The following FSTL5 variants were observed in gnomAD, a reference collection of about 807,000 sequenced individuals.
FSTL5 encodes follistatin like 5.
FSTL5 carries 62 observed loss-of-function variants against 89.1 expected under a neutral mutation model. The observed-to-expected ratio is 0.70, with a 90% confidence interval of 0.57 to 0.86. The LOEUF (loss-of-function observed/expected upper bound fraction) is 0.86. Ranked by LOEUF, FSTL5 falls within the 40% of genes least tolerant of loss-of-function variation. The probability of loss-of-function intolerance (pLI) is 0.00; values close to 1 mark genes in which losing one functional copy is unlikely to be tolerated. For missense variants in FSTL5, 1,057 were observed against 1,001.6 expected (o/e 1.06, Z -0.75); for synonymous variants, 383 against 346.2 (o/e 1.11, Z -1.18).
chr4:162,060,565 T>C (rs190929983), intron 2 of FSTL5, among the ~76,000 whole-genome samples: 198 of 152,194 alleles, frequency 1.3e-3, no homozygotes, highest in Middle Eastern at 3.4e-3. Context: ...CTACATATGA[T>C]ATCCTGATAC....
At chr4:161,856,329 G>A (rs1399906221) in intron 4 of FSTL5, among the ~76,000 whole-genome samples, 2 of 152,002 alleles carry the variant, frequency 1.3e-5, no homozygotes, top group Non-Finnish European at 2.9e-5. Context: ...TCACAAACAA[G>A]TAGTTTATAG....
intron 3 of FSTL5, among the ~76,000 whole-genome samples, chr4:162,013,706 T>G (rs545173873): frequency 4.3e-4 from 66 of 152,254 alleles, no homozygotes; most frequent in African/African-American, 1.5e-3. Flanking sequence ...AGTAACCCAG[T>G]CTTTTTGTTT....
chr4:161,566,684 T>C (rs1578930894), intron 8 of FSTL5, among the ~76,000 whole-genome samples: 1 of 152,208 alleles, frequency 6.6e-6, no homozygotes, highest in African/African-American at 2.4e-5. Flanking sequence ...GTGGTTTTGA[T>C]TTGCATTTCC....
chr4:161,604,032 T>G (rs1258971136), intron 7 of FSTL5, among the ~76,000 whole-genome samples: 1 of 152,182 alleles, frequency 6.6e-6, no homozygotes, highest in Non-Finnish European at 1.5e-5. Context: ...AAGATTCTGA[T>G]GTCATTATAC....
chr4:162,009,979 TAAAA>T (rs200387858), intron 3 of FSTL5, among the ~76,000 whole-genome samples: 1 of 142,964 alleles, frequency 7.0e-6, no homozygotes, highest in Admixed American at 7.0e-5. Flanking sequence ...GTTTGTTTTG[TAAAA>T]AAAAAAAAAA....
chr4:162,116,719 T>C (rs1292492417), intron 1 of FSTL5, among the ~76,000 whole-genome samples: 3 of 152,196 alleles, frequency 2.0e-5, no homozygotes, highest in East Asian at 3.9e-4. Flanking sequence ...TAGAGGCTGA[T>C]GCAGGAAGGT....
intron 4 of FSTL5, among the ~76,000 whole-genome samples, chr4:161,780,551 A>T (rs377304639): frequency 5.6e-4 from 85 of 152,328 alleles, no homozygotes; most frequent in Middle Eastern, 3.4e-3. Flanking sequence ...ACTGTAGATT[A>T]TCTTCCTTCC....
At chr4:161,882,381 C>G (rs1732661249) in intron 4 of FSTL5, among the ~76,000 whole-genome samples, 1 of 152,162 alleles carries the variant, frequency 6.6e-6, no homozygotes, top group Non-Finnish European at 1.5e-5. Context: ...CCCGACACAG[C>G]AGATTACTGG....
chr4:161,734,792 G>C (rs972367611), intron 6 of FSTL5, among the ~76,000 whole-genome samples: 2 of 152,100 alleles, frequency 1.3e-5, no homozygotes, highest in African/African-American at 4.8e-5. Context: ...TGCACCAAGA[G>C]AGCAAGCAAC....
At chr4:161,843,968 T>C (rs1180205853) in intron 4 of FSTL5, among the ~76,000 whole-genome samples, 1 of 152,000 alleles carries the variant, frequency 6.6e-6, no homozygotes, top group Non-Finnish European at 1.5e-5. Context: ...ACTAAAGAGC[T>C]TCTGCACAGC....
intron 1 of FSTL5, among the ~76,000 whole-genome samples, chr4:162,112,379 A>C (rs1731479004): frequency 6.6e-6 from 1 of 152,154 alleles, no homozygotes; most frequent in African/African-American, 2.4e-5. Flanking sequence ...AGTAGGTAGA[A>C]TGGCAAGCGT....
intron 15 of FSTL5, among the ~76,000 whole-genome samples, chr4:161,402,953 C>T (rs1166620106): frequency 6.6e-6 from 1 of 151,838 alleles, no homozygotes. Flanking sequence ...GCCCGAGTAG[C>T]GGGGACTACA....
At chr4:161,485,864 G>A (rs1436911232) in intron 12 of FSTL5, among the ~76,000 whole-genome samples, 1 of 152,088 alleles carries the variant, frequency 6.6e-6, no homozygotes, top group Non-Finnish European at 1.5e-5. Flanking sequence ...GAGGCCGGGC[G>A]CAGCAGCTTA....
At chr4:161,712,415 A>G (rs1370581360) in intron 6 of FSTL5, among the ~76,000 whole-genome samples, 2 of 152,270 alleles carry the variant, frequency 1.3e-5, no homozygotes, top group Non-Finnish European at 2.9e-5. Context: ...CATGGGATTA[A>G]CCCTCCCAGT....
intron 6 of FSTL5, among the ~76,000 whole-genome samples, chr4:161,754,784 G>A (rs1740516463): frequency 6.6e-6 from 1 of 152,022 alleles, no homozygotes; most frequent in African/African-American, 2.4e-5. Flanking sequence ...TTAGTGTATG[G>A]TTATCTTGTC....
chr4:161,481,581 T>C (rs369172256), intron 12 of FSTL5, among the ~76,000 whole-genome samples: 2 of 152,196 alleles, frequency 1.3e-5, no homozygotes, highest in African/African-American at 4.8e-5. Flanking sequence ...GGCAAATTCA[T>C]AGTTTTGTTA....
At chr4:161,428,973 C>T (rs1244417020) in intron 15 of FSTL5, among the ~76,000 whole-genome samples, 1 of 152,084 alleles carries the variant, frequency 6.6e-6, no homozygotes, top group African/African-American at 2.4e-5. Context: ...TTAGGACCTA[C>T]CCTGGGCCAG....
chr4:162,111,596 A>G (rs1191526193), intron 1 of FSTL5, among the ~76,000 whole-genome samples, 184 bp from the exon 2 acceptor site: 1 of 152,128 alleles, frequency 6.6e-6, no homozygotes, highest in African/African-American at 2.4e-5. Flanking sequence ...CATAACAAAT[A>G]CTTTTTTTCA....
At chr4:161,674,223 A>T (rs529439855) in intron 6 of FSTL5, among the ~76,000 whole-genome samples, 262 of 152,254 alleles carry the variant, frequency 1.7e-3, no homozygotes, top group African/African-American at 4.5e-3. Context: ...ATATACACAT[A>T]TATGTGTAAG....
Sources: gnomAD v4.1 joint callset for allele counts (sites outside exome capture counted in the v4.1 genomes callset) on GRCh38, gnomAD v4.1.1 for gene constraint, MANE v1.5 for transcripts, NCBI Gene and HGNC (gene_info 2026-07-23, HGNC 2026-07-21) for gene names.